ATL3: variants seen among roughly 807,000 people sequenced by gnomAD.
The protein encoded by ATL3 is atlastin-3.
A neutral mutation model predicts 69.5 loss-of-function variants in ATL3; 49 were observed. That is an observed-to-expected ratio of 0.71 (90% confidence interval 0.56 to 0.89). The LOEUF is 0.89. ATL3 is among the 40% of genes least tolerant of loss of function. The pLI, the probability that ATL3 is intolerant of heterozygous loss-of-function variation, is 0.00. For missense variants in ATL3, 606 were observed against 645.7 expected (o/e 0.94, Z 0.67); for synonymous variants, 214 against 224.1 (o/e 0.95, Z 0.40).
chr11:63,671,691 C>G, upstream of ATL3: 4 of 1,321,370 alleles, frequency 3.0e-6, no homozygotes, highest in Non-Finnish European at 3.9e-6. Context: ...CCCGCGCTCA[C>G]TGGGTCCCGG....
chr11:63,653,772 G>A (rs181997464), intron 3 of ATL3, among the ~76,000 whole-genome samples: 1 of 152,270 alleles, frequency 6.6e-6, no homozygotes, highest in East Asian at 1.9e-4. Flanking sequence ...CTAACTATAT[G>A]ACATTCTGGT....
chr11:63,661,199 G>C (rs554858532), intron 1 of ATL3, among the ~76,000 whole-genome samples: 1 of 144,332 alleles, frequency 6.9e-6, no homozygotes, highest in Admixed American at 6.9e-5. Context: ...TCCAGCCTGG[G>C]TGGCAGAGTG....
chr11:63,632,726 A>T, intron 11 of ATL3: 2 of 1,245,228 alleles, frequency 1.6e-6, no homozygotes, highest in Non-Finnish European at 2.3e-6. Context: ...ATGATTAGTA[A>T]GCATTTATTC....
At position 63,630,267 on chromosome 11, in the gene ATL3, A is replaced by T. The variant is rs567823579; in HGVS notation, c.1539+773T>A. The stretch of plus-strand genomic sequence containing the variant: ...GTCTCTACTAAAAAAAAAAAAAAAA[A>T]TACAGAAATTAACTGGGCATGGTGT... On this transcript the variant is annotated intron_variant, in intron 12 of 12. Coordinates refer to ENST00000398868, the MANE Select transcript of ATL3 (RefSeq NM_015459.5). Among the ~76,000 whole-genome samples the T allele has an allele frequency of 3.2e-3, 480 of 150,830 alleles. 3 individuals are homozygous for T. The highest frequency in any genetic ancestry group is 0.011 in the African/African-American group (455 of 41,130).
At chr11:63,632,393 G>A (rs1483396103) in intron 11 of ATL3, 14 of 877,016 alleles carry the variant, frequency 1.6e-5, no homozygotes, top group East Asian at 2.4e-5. Context: ...AATCTTAGTC[G>A]ACATTTTGAT....
chr11:63,652,087 G>C, intron 4 of ATL3, 101 bp from the exon 5 acceptor site: 1 of 1,496,518 alleles, frequency 6.7e-7, no homozygotes, highest in African/African-American at 1.4e-5. Flanking sequence ...TTAAAGACTT[G>C]CATATAAGAA....
At chr11:63,660,939 C>A (rs1272030381) in intron 1 of ATL3, among the ~76,000 whole-genome samples, 1 of 151,846 alleles carries the variant, frequency 6.6e-6, no homozygotes, top group African/African-American at 2.4e-5. Context: ...AATGGCCAGG[C>A]TCAGTGGCTC....
At position 63,665,222 on chromosome 11, in the gene ATL3, G is replaced by A. The variant is rs1020235275; in HGVS notation, c.47-5970C>T. On this transcript the variant is annotated intron_variant, in intron 1 of 12. Coordinates refer to ENST00000398868, the MANE Select transcript of ATL3 (RefSeq NM_015459.5). The stretch of plus-strand genomic sequence containing the variant: ...TAGCTGGGCGTGGTGGCACATGCCT[G>A]TAATCCCAGCTACTCGGGAGGCTGA... Among the ~76,000 whole-genome samples, 4 of 152,058 alleles carry A rather than the reference G, an allele frequency of 2.6e-5. No homozygotes were observed. The South Asian group carries it at 8.3e-4, about 32-fold the overall frequency.
At position 63,631,435 on chromosome 11, in the gene ATL3, T is replaced by C. The variant is rs751086084; in HGVS notation, c.1144A>G (p.Ile382Val). The C allele has an allele frequency of 1.9e-6, 3 of 1,612,598 alleles. No homozygotes were observed. Among genetic ancestry groups the C allele is most frequent in the African/African-American group, 2.7e-5 (2 of 74,792 alleles). ...GGEKPYLSPD[I>V]LEEKHCEFKQ... The stretch of plus-strand genomic sequence containing the variant: ...AATTCACAGTGCTTCTCCTCTAGAA[T>C]GTCTGGAGACAAATAAGGTTTCTCT... The change falls in exon 12 of 13, where the codon ATT (isoleucine) becomes GTT (valine). Residue 382 changes from isoleucine (I) to valine (V), a missense_variant. Physicochemically the swap from Ile to Val is conservative, Grantham distance 29. Coordinates refer to ENST00000398868, the MANE Select transcript of ATL3 (RefSeq NM_015459.5).
At chr11:63,650,757 C>T (rs577637123) in intron 5 of ATL3, 1 of 152,126 alleles carries the variant, frequency 6.6e-6, no homozygotes, top group Non-Finnish European at 1.5e-5. Context: ...GGTAAGCATT[C>T]GAAAAATGGT....
chr11:63,626,902 T>G lies in ATL3; in HGVS notation c.*2417A>C, dbSNP rs958442776. On this transcript the variant is annotated 3_prime_UTR_variant, in exon 13 of 13. Transcript: ENST00000398868. ...AAAGAAAACTCTTAAGAACCCTCAC[T>G]GAGAAAACTTTATAAAACACTTTCC... 9 of 151,310 alleles carry G rather than the reference T, an allele frequency of 5.9e-5. No homozygotes were observed. Among genetic ancestry groups the G allele is most frequent in the Admixed American group, 4.6e-4 (7 of 15,174 alleles). 9.4% of individuals were successfully genotyped at this position (151,310 alleles called of 1,614,324 possible).
At chr11:63,650,172 T>C (rs1315471638) in intron 5 of ATL3, among the ~76,000 whole-genome samples, 1 of 152,184 alleles carries the variant, frequency 6.6e-6, no homozygotes, top group Non-Finnish European at 1.5e-5. Context: ...TCATTCTAAA[T>C]GAGATAATGT....
At chr11:63,641,637 G>T (rs947336144) in intron 8 of ATL3, among the ~76,000 whole-genome samples, 1 of 152,130 alleles carries the variant, frequency 6.6e-6, no homozygotes, top group East Asian at 1.9e-4. Context: ...CAGAGTCTCC[G>T]GGCGGAACCA....
chr11:63,649,742 T>C (rs1409869828), intron 5 of ATL3, among the ~76,000 whole-genome samples: 6 of 152,134 alleles, frequency 3.9e-5, no homozygotes, highest in African/African-American at 1.4e-4. Context: ...TTCACCATGT[T>C]GGCCAGACTG....
At chr11:63,642,883 A>G (rs1939745021) in intron 8 of ATL3, among the ~76,000 whole-genome samples, 1 of 152,218 alleles carries the variant, frequency 6.6e-6, no homozygotes, top group South Asian at 2.1e-4. Flanking sequence ...AAGATAATGG[A>G]GCCCAAGAGT....
At chr11:63,658,138 G>T (rs1940315052) in intron 3 of ATL3, among the ~76,000 whole-genome samples, 1 of 152,152 alleles carries the variant, frequency 6.6e-6, no homozygotes, top group Admixed American at 6.6e-5. Flanking sequence ...TTACAGACGT[G>T]AGCCACAGCA....
Position 63,658,914 on chromosome 11 carries a change from T to A in ATL3, c.262-10A>T, listed in dbSNP as rs777982786. On this transcript the variant is annotated splice_polypyrimidine_tract_variant and intron_variant, in intron 2 of 12. Transcript: ENST00000398868. The stretch of plus-strand genomic sequence containing the variant: ...AATGGCCACTTTCCTTCTACAGAAG[T>A]AAGAAATTTCTATTAAATCTTAAAT... 5.7e-6 allele frequency: 9 copies of A among 1,590,248 alleles called. No homozygotes were observed. In the African/African-American group the frequency reaches 8.2e-5, roughly 14 times the overall value.
chr11:63,665,850 G>A (rs1279128021), intron 1 of ATL3, among the ~76,000 whole-genome samples: 2 of 151,198 alleles, frequency 1.3e-5, no homozygotes, highest in Non-Finnish European at 2.9e-5. Flanking sequence ...CAGGACAACA[G>A]AGCAAGACCC....
In ATL3 at chr11:63,631,858, T is replaced by A. The variant is rs756613289; in HGVS notation, c.1108-387A>T. Among the ~76,000 whole-genome samples, 4 of 152,186 alleles carry A rather than the reference T, an allele frequency of 2.6e-5. No individual in the cohort carries two copies. The East Asian group carries it at 7.7e-4, about 29-fold the overall frequency. On this transcript the variant is annotated intron_variant, in intron 11 of 12. Transcript: ENST00000398868. The stretch of plus-strand genomic sequence containing the variant: ...TTAGCCGGGCGTGATGGCAGGCACC[T>A]GTAATCCCAGCTACTCAGAAGGCTG...
Sources: allele counts gnomAD v4.1 joint callset (sites outside exome capture counted in the v4.1 genomes callset), GRCh38; gene constraint gnomAD v4.1.1; transcripts MANE v1.5; gene names NCBI Gene and HGNC (gene_info 2026-07-23, HGNC 2026-07-21).